The following DKK2 variants were observed in gnomAD, a reference collection of about 807,000 sequenced individuals.
The protein encoded by DKK2 is dickkopf-related protein 2.
DKK2 carries 11 observed loss-of-function variants against 28.1 expected under a neutral mutation model. That is an observed-to-expected ratio of 0.39 (90% CI 0.25 to 0.65). The LOEUF (loss-of-function observed/expected upper bound fraction) is 0.65. Ranked by LOEUF, DKK2 falls within the 30% of genes least tolerant of loss-of-function variation. The probability of loss-of-function intolerance (pLI) is 0.47; values close to 1 mark genes in which losing one functional copy is unlikely to be tolerated. For missense variants in DKK2, 326 were observed against 335.5 expected (o/e 0.97, Z 0.22); for synonymous variants, 135 against 126.5 (o/e 1.07, Z -0.45).
At chr4:107,015,981 T>C (rs1723598256) in intron 1 of DKK2, among the ~76,000 whole-genome samples, 1 of 151,864 alleles carries the variant, frequency 6.6e-6, no homozygotes, top group South Asian at 2.1e-4. Context: ...ATACTTATGA[T>C]AAAAATTGGA....
chr4:107,009,456 T>A (rs1029958943), intron 1 of DKK2, among the ~76,000 whole-genome samples: 3 of 151,912 alleles, frequency 2.0e-5, no homozygotes, highest in African/African-American at 7.2e-5. Context: ...TCTGTATTTA[T>A]GAAATATTAC....
chr4:107,034,561 G>A (rs1211779288), intron 1 of DKK2, among the ~76,000 whole-genome samples: 3 of 152,184 alleles, frequency 2.0e-5, no homozygotes, highest in East Asian at 3.9e-4. Context: ...AGGCGCCTGC[G>A]GAAAGTTCCC....
At chr4:106,959,919 T>C (rs1722660799) in intron 1 of DKK2, among the ~76,000 whole-genome samples, 1 of 151,982 alleles carries the variant, frequency 6.6e-6, no homozygotes, top group African/African-American at 2.4e-5. Context: ...CTTAGTGTCA[T>C]AAAAGCTGAA....
chr4:106,992,143 T>A (rs186580319), intron 1 of DKK2, among the ~76,000 whole-genome samples: 4 of 152,298 alleles, frequency 2.6e-5, no homozygotes, highest in Admixed American at 1.3e-4. Flanking sequence ...ATTTATCCTA[T>A]CATTAGCAGT....
intron 1 of DKK2, among the ~76,000 whole-genome samples, chr4:107,005,201 C>T (rs1159876592): frequency 2.4e-4 from 36 of 151,848 alleles, no homozygotes; most frequent in Admixed American, 1.8e-3. Flanking sequence ...ATTAGCTGGG[C>T]GTGGTGGTGG....
At chr4:107,024,516 T>C (rs1279887298) in intron 1 of DKK2, among the ~76,000 whole-genome samples, 1 of 152,158 alleles carries the variant, frequency 6.6e-6, no homozygotes, top group East Asian at 1.9e-4. Context: ...TTTTAAAAAG[T>C]AATCCATCAA....
Position 106,981,610 on chromosome 4 carries a change from C to T in DKK2, c.222+53760G>A, listed in dbSNP as rs552271353. ...AGAAGATCCTCCTTCTCTCTCCATG[C>T]TGAGCCTTTCATAGGGCAATCATCT... On this transcript the variant is annotated intron_variant, in intron 1 of 3. Coordinates refer to ENST00000285311, the MANE Select transcript of DKK2 (RefSeq NM_014421.3). Among the ~76,000 whole-genome samples, 13 of 152,254 alleles carry T rather than the reference C, an allele frequency of 8.5e-5. No individual in the cohort carries two copies. The East Asian group carries it at 2.5e-3, about 29-fold the overall frequency.
At chr4:107,025,266 G>A (rs1161080402) in intron 1 of DKK2, among the ~76,000 whole-genome samples, 1 of 152,128 alleles carries the variant, frequency 6.6e-6, no homozygotes, top group East Asian at 1.9e-4. Context: ...CTCTGCCAGG[G>A]AAGGGCCGTA....
chr4:106,967,656 G>A (rs890889912), intron 1 of DKK2, among the ~76,000 whole-genome samples: 9 of 152,002 alleles, frequency 5.9e-5, no homozygotes, highest in Non-Finnish European at 1.2e-4. Context: ...GTGAAATCTG[G>A]TACCTAGCAG....
At chr4:106,965,181 TTG>T (rs1490219216) in intron 1 of DKK2, among the ~76,000 whole-genome samples, 1 of 152,130 alleles carries the variant, frequency 6.6e-6, no homozygotes, top group Non-Finnish European at 1.5e-5. Flanking sequence ...CTTATAAATT[TTG>T]TTTCTTGATA....
intron 1 of DKK2, among the ~76,000 whole-genome samples, chr4:106,939,259 CAA>C (rs1724651612): frequency 1.3e-5 from 2 of 152,282 alleles, no homozygotes; most frequent in South Asian, 4.1e-4. Context: ...GCAACTTCAG[CAA>C]AGTCTCGGGA....
intron 1 of DKK2, among the ~76,000 whole-genome samples, chr4:106,968,248 A>G (rs574730718): frequency 4.6e-5 from 7 of 152,292 alleles, no homozygotes; most frequent in African/African-American, 1.4e-4. Context: ...CAGCAGAGGC[A>G]TAGGATTTAG....
chr4:106,965,958 G>A (rs996320963), intron 1 of DKK2, among the ~76,000 whole-genome samples: 43 of 151,520 alleles, frequency 2.8e-4, no homozygotes, highest in African/African-American at 6.8e-4. Context: ...GTATTCCATG[G>A]TGTATATGTG....
intron 1 of DKK2, among the ~76,000 whole-genome samples, chr4:107,021,181 T>C (rs115703591): frequency 1.3e-5 from 2 of 152,058 alleles, no homozygotes; most frequent in African/African-American, 2.4e-5. Context: ...AAAAACTTAT[T>C]TGGAGAAACA....
At chr4:106,948,327 C>A (rs1440724190) in intron 1 of DKK2, among the ~76,000 whole-genome samples, 1 of 152,140 alleles carries the variant, frequency 6.6e-6, no homozygotes, top group Non-Finnish European at 1.5e-5. Flanking sequence ...GCCTGAAAAT[C>A]TATGTTTCCA....
intron 1 of DKK2, among the ~76,000 whole-genome samples, chr4:107,025,729 C>A (rs966733936): frequency 9.2e-5 from 14 of 152,140 alleles, no homozygotes; most frequent in African/African-American, 3.1e-4. Flanking sequence ...ACAGTCGAAG[C>A]CACTTCCTTT....
intron 1 of DKK2, among the ~76,000 whole-genome samples, chr4:107,014,767 A>G (rs553028309): frequency 6.6e-6 from 1 of 151,708 alleles, no homozygotes; most frequent in East Asian, 1.9e-4. Flanking sequence ...ATAAACATGT[A>G]CAATTATGTC....
chr4:106,968,182 A>T (rs1331398122), intron 1 of DKK2, among the ~76,000 whole-genome samples: 1 of 151,910 alleles, frequency 6.6e-6, no homozygotes, highest in East Asian at 1.9e-4. Context: ...TGCAGGAAGG[A>T]ATGTAGGCAG....
chr4:107,008,959 C>T (rs550985214), intron 1 of DKK2, among the ~76,000 whole-genome samples: 18 of 152,066 alleles, frequency 1.2e-4, no homozygotes, highest in Admixed American at 2.0e-4. Flanking sequence ...GTTCCTTACT[C>T]TATGATCAGG....
Sources: allele counts gnomAD v4.1 joint callset (sites outside exome capture counted in the v4.1 genomes callset), GRCh38; gene constraint gnomAD v4.1.1; transcripts MANE v1.5; gene names NCBI Gene and HGNC (gene_info 2026-07-23, HGNC 2026-07-21).